The following CDH13 variants were observed in gnomAD, a reference collection of about 807,000 sequenced individuals.
CDH13 encodes the protein cadherin-13.
In CDH13, 24 loss-of-function variants were observed where a neutral mutation model predicts 63.8. The ratio of observed to expected loss-of-function variants is 0.38; its 90% confidence interval spans 0.27 to 0.53. The LOEUF is 0.53. Among genes scored for constraint, CDH13 ranks in the 20% least tolerant of loss-of-function variants. CDH13 has a pLI of 0.85. For missense variants in CDH13, 1,049 were observed against 903.1 expected, an observed-to-expected ratio of 1.16 and a Z score of -2.07; for synonymous variants, 503 against 355.3, an observed-to-expected ratio of 1.42 and a Z score of -4.67.
At chr16:82,657,391 A>G (rs930756364) in intron 1 of CDH13, among the ~76,000 whole-genome samples, 3 of 152,194 alleles carry the variant, frequency 2.0e-5, no homozygotes, top group Admixed American at 6.5e-5. Context: ...CTGAGTGACT[A>G]ATGGATGATG....
intron 13 of CDH13, among the ~76,000 whole-genome samples, chr16:83,789,557 C>T (rs1430811843): frequency 1.3e-5 from 2 of 152,114 alleles, no homozygotes; most frequent in African/African-American, 2.4e-5. Flanking sequence ...CCATGTTGGC[C>T]AGGCTGGTCT....
At chr16:83,236,708 G>A (rs747376086) in intron 5 of CDH13, among the ~76,000 whole-genome samples, 1 of 151,974 alleles carries the variant, frequency 6.6e-6, no homozygotes, top group Non-Finnish European at 1.5e-5. Flanking sequence ...AGTAATTCAT[G>A]AATGGATAAA....
intron 6 of CDH13, among the ~76,000 whole-genome samples, chr16:83,451,716 C>G (rs1394498296): frequency 6.6e-6 from 1 of 152,204 alleles, no homozygotes; most frequent in East Asian, 1.9e-4. Context: ...CGAGGTCCCA[C>G]TATATTACCC....
intron 2 of CDH13, among the ~76,000 whole-genome samples, chr16:82,891,907 T>C (rs1023611305): frequency 6.6e-6 from 1 of 152,178 alleles, no homozygotes; most frequent in Non-Finnish European, 1.5e-5. Context: ...ACGTGTCCCT[T>C]AAATATAGAT....
intron 1 of CDH13, among the ~76,000 whole-genome samples, chr16:82,673,345 C>A (rs965030235): frequency 6.6e-6 from 1 of 152,166 alleles, no homozygotes; most frequent in Non-Finnish European, 1.5e-5. Flanking sequence ...AGTCAAGGAA[C>A]TGAGAACACT....
intron 1 of CDH13, among the ~76,000 whole-genome samples, chr16:82,700,957 C>A (rs1182334275): frequency 2.0e-4 from 2 of 9,896 alleles, no homozygotes. Flanking sequence ...TGGAACCCGC[C>A]CCCCCCCCCC....
intron 2 of CDH13, among the ~76,000 whole-genome samples, chr16:82,889,774 T>A (rs2041015517): frequency 6.6e-6 from 1 of 152,234 alleles, no homozygotes; most frequent in Admixed American, 6.5e-5. Flanking sequence ...AATAGTTCCA[T>A]TTGAAAGTCC....
chr16:83,019,711 G>A (rs957136384), intron 2 of CDH13, among the ~76,000 whole-genome samples: 2 of 150,872 alleles, frequency 1.3e-5, no homozygotes, highest in Non-Finnish European at 3.0e-5. Flanking sequence ...GCCCAGTATG[G>A]TCTCAAACTC....
chr16:83,560,666 C>T (rs2075686761), intron 7 of CDH13, among the ~76,000 whole-genome samples: 2 of 152,206 alleles, frequency 1.3e-5, no homozygotes, highest in Non-Finnish European at 2.9e-5. Context: ...GGTCCCTGGG[C>T]CTCCCTGCTG....
chr16:83,189,190 C>T (rs1364708795), intron 4 of CDH13, among the ~76,000 whole-genome samples: 1 of 152,104 alleles, frequency 6.6e-6, no homozygotes, highest in Non-Finnish European at 1.5e-5. Context: ...ATTTAGGGCC[C>T]CTTTCTGCCT....
chr16:83,694,564 T>C (rs1905198826), intron 10 of CDH13, among the ~76,000 whole-genome samples: 1 of 152,222 alleles, frequency 6.6e-6, no homozygotes, highest in Non-Finnish European at 1.5e-5. Context: ...TCTGTGAGGA[T>C]GGGTGCTTAT....
Position 83,428,370 on chromosome 16 carries a change from A to AT in CDH13, c.782-58095dup, listed in dbSNP as rs111285871. Among the ~76,000 whole-genome samples, 36 of 149,226 alleles carry AT rather than the reference A, an allele frequency of 2.4e-4. No individual in the cohort carries two copies. The East Asian group carries it at 2.6e-3, about 11-fold the overall frequency. On this transcript the variant is annotated intron_variant, in intron 6 of 13. Transcript: ENST00000567109. ...TAATTAGTTTGACCTCCATGGTTAGATTTTTTTTTTTTAACTCCAATATTT... is the reference window on the plus strand; with the variant it reads ...TAATTAGTTTGACCTCCATGGTTAGATTTTTTTTTTTTTAACTCCAATATTT...
intron 2 of CDH13, among the ~76,000 whole-genome samples, chr16:83,004,647 G>A (rs746167016): frequency 1.4e-4 from 21 of 151,952 alleles, no homozygotes; most frequent in Non-Finnish European, 2.6e-4. Context: ...ACAGGTGCCC[G>A]CCACCACACC....
chr16:82,730,808 C>T (rs2033360957), intron 1 of CDH13, among the ~76,000 whole-genome samples: 1 of 152,118 alleles, frequency 6.6e-6, no homozygotes, highest in African/African-American at 2.4e-5. Context: ...ATTGCTGCAG[C>T]CAGCTCAGTC....
intron 2 of CDH13, among the ~76,000 whole-genome samples, chr16:82,979,105 C>A (rs529684966): frequency 1.3e-5 from 2 of 152,352 alleles, no homozygotes; most frequent in Non-Finnish European, 2.9e-5. Context: ...TCTAGACTTG[C>A]ATGGGGCCTG....
At chr16:83,277,569 A>T (rs1456675652) in intron 5 of CDH13, among the ~76,000 whole-genome samples, 1 of 152,172 alleles carries the variant, frequency 6.6e-6, no homozygotes. Flanking sequence ...TTTCATAAAA[A>T]TACTGAGGTG....
Position 83,430,857 on chromosome 16 carries a change from T to C in CDH13, c.782-55620T>C, listed in dbSNP as rs1397004739. ...TATACTTTAAGTTTTAGGGTACATG[T>C]GCACATTGTGCAGGTTAGTTACATA... On this transcript the variant is annotated intron_variant, in intron 6 of 13. Transcript: ENST00000567109. Among the ~76,000 whole-genome samples the C allele has an allele frequency of 2.6e-5, 4 of 152,108 alleles. No individual in the cohort carries two copies. The East Asian group carries it at 5.8e-4, about 22-fold the overall frequency.
At chr16:82,902,106 G>A (rs2041491912) in intron 2 of CDH13, among the ~76,000 whole-genome samples, 1 of 152,122 alleles carries the variant, frequency 6.6e-6, no homozygotes, top group Non-Finnish European at 1.5e-5. Context: ...CCTTTAATTT[G>A]CCCATTTTAA....
At chr16:83,455,423 T>C (rs1428703428) in intron 6 of CDH13, among the ~76,000 whole-genome samples, 2 of 152,134 alleles carry the variant, frequency 1.3e-5, no homozygotes, top group African/African-American at 2.4e-5. Context: ...GTTCCATCCA[T>C]TGCTGCCGTG....
Sources: allele counts gnomAD v4.1 joint callset (sites outside exome capture counted in the v4.1 genomes callset), GRCh38; gene constraint gnomAD v4.1.1; transcripts MANE v1.5; gene names NCBI Gene and HGNC (gene_info 2026-07-23, HGNC 2026-07-21).